Variants in NBEA observed in about 807,000 individuals in gnomAD.
NBEA encodes the protein lysosomal-trafficking regulator 2.
NBEA carries 44 observed loss-of-function variants against 343.4 expected under a neutral mutation model. The ratio of observed to expected loss-of-function variants is 0.13; its 90% CI spans 0.10 to 0.16. The LOEUF (loss-of-function observed/expected upper bound fraction) is 0.16, where lower values mean the gene tolerates loss of function less well. Ranked by LOEUF, NBEA falls within the 10% of genes least tolerant of loss-of-function variation. NBEA has a pLI of 1.00. For missense variants in NBEA, 2,555 were observed against 3,631.3 expected (o/e 0.70, Z 7.62); for synonymous variants, 1,175 against 1,238.7 (o/e 0.95, Z 1.08).
intron 38 of NBEA, among the ~76,000 whole-genome samples, chr13:35,411,438 A>G (rs1444647857): frequency 3.3e-5 from 5 of 149,886 alleles, no homozygotes; most frequent in Non-Finnish European, 5.9e-5. Context: ...TGCAGGCTTC[A>G]TCTTCAACAC....
At chr13:35,094,247 A>G (rs528552646) in intron 10 of NBEA, among the ~76,000 whole-genome samples, 1 of 152,188 alleles carries the variant, frequency 6.6e-6, no homozygotes, top group East Asian at 1.9e-4. Flanking sequence ...AATTCAGTTT[A>G]TAAGGCTGCC....
chr13:35,049,170 A>G (rs1303933559), intron 5 of NBEA, among the ~76,000 whole-genome samples: 12 of 151,876 alleles, frequency 7.9e-5, no homozygotes, highest in Non-Finnish European at 1.6e-4. Context: ...CAACCTAACA[A>G]TGTGTTGATC....
At chr13:35,291,929 G>C (rs1005479180) in intron 35 of NBEA, among the ~76,000 whole-genome samples, 5 of 151,838 alleles carry the variant, frequency 3.3e-5, no homozygotes, top group African/African-American at 1.2e-4. Context: ...CACACCTCTC[G>C]ATTTGATTTT....
intron 31 of NBEA, 116 bp downstream of exon 31, chr13:35,196,418 A>G: frequency 1.0e-6 from 1 of 969,316 alleles, no homozygotes; most frequent in Non-Finnish European, 1.5e-6. Context: ...TTCTTATTAC[A>G]AAGACAATCA....
intron 38 of NBEA, among the ~76,000 whole-genome samples, chr13:35,391,617 T>A (rs1018311320): frequency 6.6e-6 from 1 of 152,170 alleles, no homozygotes; most frequent in Admixed American, 6.5e-5. Flanking sequence ...TTTACATGGA[T>A]GTTTTTAGGT....
chr13:35,517,525 C>T (rs1284668671), intron 41 of NBEA, among the ~76,000 whole-genome samples: 2 of 152,112 alleles, frequency 1.3e-5, no homozygotes, highest in Non-Finnish European at 2.9e-5. Context: ...GCCTTATTGC[C>T]CATTTGAATT....
At chr13:35,163,489 T>A (rs1454212816) in intron 23 of NBEA, among the ~76,000 whole-genome samples, 1 of 151,890 alleles carries the variant, frequency 6.6e-6, no homozygotes, top group Non-Finnish European at 1.5e-5. Context: ...AAACATTAAC[T>A]AGGCGTGGTG....
intron 41 of NBEA, among the ~76,000 whole-genome samples, chr13:35,514,232 A>G (rs1166032659): frequency 6.6e-6 from 1 of 152,144 alleles, no homozygotes; most frequent in African/African-American, 2.4e-5. Flanking sequence ...GCTGCTCAGT[A>G]GTTTGATATA....
intron 2 of NBEA, among the ~76,000 whole-genome samples, chr13:35,042,416 C>A (rs2062686867): frequency 6.6e-6 from 1 of 151,730 alleles, no homozygotes; most frequent in South Asian, 2.1e-4. Flanking sequence ...TACATGTACA[C>A]ATGTTTTATA....
chr13:35,542,036 C>G (rs1212914094), intron 41 of NBEA, among the ~76,000 whole-genome samples: 1 of 151,696 alleles, frequency 6.6e-6, no homozygotes, highest in Non-Finnish European at 1.5e-5. Context: ...AGCCTTAAGT[C>G]TAAGGTAAGC....
chr13:35,208,615 G>T, intron 31 of NBEA, 85 bp from the exon 32 acceptor site: 1 of 1,190,580 alleles, frequency 8.4e-7, no homozygotes, highest in Non-Finnish European at 1.1e-6. Flanking sequence ...GAAATTCGAT[G>T]TTGACTATGT....
intron 1 of NBEA, among the ~76,000 whole-genome samples, chr13:34,992,238 G>GTGTGTATA (rs775136249): frequency 8.2e-6 from 1 of 122,134 alleles, no homozygotes; most frequent in Non-Finnish European, 1.7e-5. Context: ...GTGTGTGTGT[G>GTGTGTATA]TATATATATA....
At chr13:35,110,355 G>C (rs1405224599) in intron 12 of NBEA, among the ~76,000 whole-genome samples, 2 of 152,050 alleles carry the variant, frequency 1.3e-5, no homozygotes, top group East Asian at 1.9e-4. Context: ...ATGGCCATAG[G>C]TGAGGAGAAT....
intron 32 of NBEA, among the ~76,000 whole-genome samples, chr13:35,210,779 A>G (rs370182642): frequency 1.6e-4 from 25 of 152,146 alleles, no homozygotes; most frequent in Non-Finnish European, 5.9e-5. Context: ...TTTATCGAAA[A>G]ATTTTTTCAT....
chr13:35,586,867 A>G (rs1441143993), intron 46 of NBEA, among the ~76,000 whole-genome samples: 1 of 152,198 alleles, frequency 6.6e-6, no homozygotes, highest in Admixed American at 6.5e-5. Context: ...AAGAGCTTAT[A>G]ACTTCCAACC....
At chr13:35,042,717 A>G (rs1342355971) in intron 2 of NBEA, among the ~76,000 whole-genome samples, 3 of 151,772 alleles carry the variant, frequency 2.0e-5, no homozygotes, top group Non-Finnish European at 4.4e-5. Flanking sequence ...TGTAATTTCT[A>G]GCATTTCCCT....
chr13:35,344,306 A>T (rs1319796290), intron 36 of NBEA, among the ~76,000 whole-genome samples: 1 of 152,080 alleles, frequency 6.6e-6, no homozygotes, highest in Non-Finnish European at 1.5e-5. Flanking sequence ...ATTACTTGAG[A>T]GAAAAGCCTA....
intron 8 of NBEA, among the ~76,000 whole-genome samples, chr13:35,061,350 A>G (rs2063460846): frequency 6.6e-6 from 1 of 151,794 alleles, no homozygotes; most frequent in South Asian, 2.1e-4. Flanking sequence ...TAAAATACTG[A>G]AAATCTCACT....
At chr13:34,999,023 G>A (rs990312191) in intron 1 of NBEA, among the ~76,000 whole-genome samples, 1 of 152,098 alleles carries the variant, frequency 6.6e-6, no homozygotes, top group Non-Finnish European at 1.5e-5. Context: ...CACAATTTAT[G>A]TTCTTCTGCC....
Sources: gnomAD v4.1 joint callset for allele counts (sites outside exome capture counted in the v4.1 genomes callset) on GRCh38, gnomAD v4.1.1 for gene constraint, MANE v1.5 for transcripts, NCBI Gene and HGNC (gene_info 2026-07-23, HGNC 2026-07-21) for gene names.